Variants in KRT8 observed in about 807,000 individuals in gnomAD.
KRT8 encodes keratin 8.
In KRT8, 24 loss-of-function variants were observed where a neutral mutation model predicts 43.0. The observed-to-expected ratio is 0.56, with a 90% CI of 0.40 to 0.78. The LOEUF (loss-of-function observed/expected upper bound fraction) is 0.78. KRT8 is among the 30% of genes least tolerant of loss of function. KRT8 has a pLI of 0.00. For synonymous variants in KRT8, 214 were observed against 261.2 expected (o/e 0.82, Z 1.74); for missense variants, 492 against 638.4 (o/e 0.77, Z 2.47).
rs147065843 is a variant in KRT8, at chr12:52,938,568, A to G, written c.-47+10888T>C. On this transcript the variant is annotated intron_variant, in intron 2 of 6. Coordinates refer to the KRT8 transcript ENST00000546826. ...GAGGCAGAAGGATCACCTGAGCCCAATAGTTCGAGACAAGCCTGGGCAACA... is the reference window on the plus strand; with the variant it reads ...GAGGCAGAAGGATCACCTGAGCCCAGTAGTTCGAGACAAGCCTGGGCAACA... Among the ~76,000 whole-genome samples the G allele has an allele frequency of 7.9e-3, 1,206 of 152,014 alleles. 16 individuals are homozygous for G. The highest frequency in any genetic ancestry group is 0.027 in the African/African-American group (1,136 of 41,458).
chr12:52,913,773 G>A (rs890298104), intron 2 of KRT8, among the ~76,000 whole-genome samples: 7 of 152,174 alleles, frequency 4.6e-5, no homozygotes, highest in African/African-American at 1.4e-4. Context: ...TCAGAGTCCC[G>A]TGCACACCAC....
chr12:52,913,332 T>C (rs1030177941), intron 2 of KRT8, among the ~76,000 whole-genome samples: 9 of 152,184 alleles, frequency 5.9e-5, no homozygotes, highest in African/African-American at 2.2e-4. Context: ...AGGGTGGCCC[T>C]AACCTGATTC....
chr12:52,907,835 G>A (rs2120598991), upstream of KRT8, among the ~76,000 whole-genome samples: 1 of 152,340 alleles, frequency 6.6e-6, no homozygotes, highest in South Asian at 2.1e-4. Flanking sequence ...CAGGGTTAAA[G>A]GCAGAAGGAG....
chr12:52,936,343 C>T (rs1025613049), intron 2 of KRT8, among the ~76,000 whole-genome samples: 1 of 152,158 alleles, frequency 6.6e-6, no homozygotes, highest in Admixed American at 6.6e-5. Flanking sequence ...CTCATGGCAG[C>T]CTGGATCTTC....
At chr12:52,938,159 TATATATATATA>T (rs1565732934) in intron 2 of KRT8, among the ~76,000 whole-genome samples, 3,236 of 40,254 alleles carry the variant, frequency 0.08, 181 homozygotes, top group African/African-American at 0.17. Context: ...TATATATATA[TATATATATATA>T]TTTTTTTTTT....
chr12:52,928,792 G>A (rs1308769817), intron 2 of KRT8, among the ~76,000 whole-genome samples: 1 of 152,150 alleles, frequency 6.6e-6, no homozygotes, highest in Non-Finnish European at 1.5e-5. Flanking sequence ...TGTAATCCTA[G>A]CTACTTAGGA....
intron 2 of KRT8, among the ~76,000 whole-genome samples, chr12:52,938,740 C>A (rs1229802167): frequency 6.6e-6 from 1 of 152,038 alleles, no homozygotes; most frequent in Non-Finnish European, 1.5e-5. Flanking sequence ...GTGTCAGCCT[C>A]CCGAGGACCT....
intron 2 of KRT8, among the ~76,000 whole-genome samples, chr12:52,912,575 C>A (rs1167115390): frequency 6.6e-6 from 1 of 152,196 alleles, no homozygotes; most frequent in African/African-American, 2.4e-5. Context: ...TCCCAATCCA[C>A]GGGACCAGTG....
rs531098849 is a variant in KRT8 at position 52,916,751 on chromosome 12, G to A, written c.-46-11724C>T. Among the ~76,000 whole-genome samples the A allele has an allele frequency of 9.1e-4, 139 of 152,348 alleles. 1 individual carries two copies. The highest frequency in any genetic ancestry group is 5.2e-3 in the South Asian group (25 of 4,824). On this transcript the variant is annotated intron_variant, in intron 2 of 6. Coordinates refer to the KRT8 transcript ENST00000546826. ...GTCTCAAAACCCACCACAGTCCTCA[G>A]CAGCAGAAGCAAGTGTGGACAAGCC...
At chr12:52,938,182 TTTTA>T (rs796265012) in intron 2 of KRT8, among the ~76,000 whole-genome samples, 1,181 of 55,250 alleles carry the variant, frequency 0.021, 144 homozygotes, top group African/African-American at 0.041. Flanking sequence ...TTTTTTTTTT[TTTTA>T]TATATAAGGT....
chr12:52,914,539 AAAAC>A (rs1196866704), intron 2 of KRT8, among the ~76,000 whole-genome samples: 3 of 152,200 alleles, frequency 2.0e-5, no homozygotes, highest in East Asian at 3.9e-4. Context: ...CTCCGTCTCA[AAAAC>A]AAACAAAAAA....
chr12:52,902,944 G>A (rs1448087227), intron 1 of KRT8, among the ~76,000 whole-genome samples: 6 of 152,014 alleles, frequency 3.9e-5, no homozygotes, highest in Admixed American at 1.3e-4. Flanking sequence ...CCCAGGAAGC[G>A]GAGGTTGCAG....
At position 52,897,634 on chromosome 12, in the gene KRT8, G is replaced by GCCTCT; in HGVS notation, c.1262-17_1262-16insAGAGG. The GCCTCT allele has an allele frequency of 1.3e-6, 2 of 1,597,938 alleles. No individual in the cohort carries two copies. Among genetic ancestry groups the GCCTCT allele is most frequent in the Non-Finnish European group, 1.7e-6 (2 of 1,179,910 alleles). On this transcript the variant is annotated splice_polypyrimidine_tract_variant and intron_variant, in intron 7 of 7. Transcript: ENST00000692008. ...CTCAGACCACCTGGTGAGGGACAGA[G>GCCTCT]GTAGCCACATGAGTACAGAAGCCCA...
chr12:52,932,806 A>C (rs558433858), intron 2 of KRT8, among the ~76,000 whole-genome samples: 3 of 148,374 alleles, frequency 2.0e-5, no homozygotes, highest in African/African-American at 7.4e-5. Flanking sequence ...TGTCTATAAT[A>C]AAAAAAAAAC....
intron 2 of KRT8, among the ~76,000 whole-genome samples, chr12:52,945,136 T>C (rs552294445): frequency 6.6e-6 from 1 of 152,172 alleles, no homozygotes; most frequent in Non-Finnish European, 1.5e-5. Flanking sequence ...CCACCCCAGA[T>C]TCCTTTTCCT....
At chr12:52,921,334 GC>G (rs1183006001) in intron 2 of KRT8, among the ~76,000 whole-genome samples, 1 of 152,174 alleles carries the variant, frequency 6.6e-6, no homozygotes, top group African/African-American at 2.4e-5. Context: ...AACATGGAAG[GC>G]AAAGGAGGGA....
At chr12:52,907,451 C>A (rs1941544864), upstream of KRT8, among the ~76,000 whole-genome samples, 1 of 152,174 alleles carries the variant, frequency 6.6e-6, no homozygotes, top group African/African-American at 2.4e-5. Context: ...GCACTCAGGT[C>A]CTGATCTAGG....
chr12:52,938,631 T>TC lies in KRT8; in HGVS notation c.-47+10824_-47+10825insG, dbSNP rs1490975621. The stretch of plus-strand genomic sequence containing the variant: ...CCTCTCTACAAAAGAATTTTTTTTT[T>TC]TTTTGAGACGGAGTCTCGCTCTGTC... On this transcript the variant is annotated intron_variant, in intron 2 of 6. Coordinates refer to the KRT8 transcript ENST00000546826. Among the ~76,000 whole-genome samples, 10 of 151,684 alleles carry TC rather than the reference T, an allele frequency of 6.6e-5. No individual in the cohort carries two copies. In the East Asian group the frequency reaches 1.9e-3, roughly 29 times the overall value.
At chr12:52,945,039 C>T (rs1942322908) in intron 2 of KRT8, among the ~76,000 whole-genome samples, 1 of 152,144 alleles carries the variant, frequency 6.6e-6, no homozygotes, top group African/African-American at 2.4e-5. Context: ...CTCCTAGCAC[C>T]CCATGTTTAT....
Sources: allele counts gnomAD v4.1 joint callset (sites outside exome capture counted in the v4.1 genomes callset), GRCh38; gene constraint gnomAD v4.1.1; transcripts MANE v1.5; gene names NCBI Gene and HGNC (gene_info 2026-07-23, HGNC 2026-07-21).